PADI6: variants seen among roughly 807,000 people sequenced by gnomAD.
The protein encoded by PADI6 is inactive protein-arginine deiminase type-6.
In PADI6, 66 loss-of-function variants were observed where a neutral mutation model predicts 78.2. That is an observed-to-expected ratio of 0.84 (90% CI 0.69 to 1.04). The LOEUF (loss-of-function observed/expected upper bound fraction) is 1.04. PADI6 is among the 50% of genes least tolerant of loss of function. The probability of loss-of-function intolerance (pLI) is 0.00; values close to 1 mark genes in which losing one functional copy is unlikely to be tolerated. For missense variants in PADI6, 854 were observed against 866.1 expected (o/e 0.99, Z 0.18); for synonymous variants, 397 against 346.9 (o/e 1.14, Z -1.60).
rs1408032840 is a variant in PADI6 at position 17,397,060 on chromosome 1, T to G, written c.1619-11T>G. ...CTGACCAGCAGGCCTGCTGCCCGCTTCTTCCTACAGGAAGGGAAGCCAAAA... is the reference window on the plus strand; with the variant it reads ...CTGACCAGCAGGCCTGCTGCCCGCTGCTTCCTACAGGAAGGGAAGCCAAAA... On this transcript the variant is annotated splice_polypyrimidine_tract_variant and intron_variant, in intron 13 of 15. Transcript: ENST00000619609. 1.7e-5 allele frequency: 27 copies of G among 1,613,360 alleles called. No individual in the cohort carries two copies. The highest frequency in any genetic ancestry group is 2.3e-5 in the Non-Finnish European group (27 of 1,179,744).
intron 15 of PADI6, 25 bp downstream of exon 15, chr1:17,398,872 G>C: frequency 1.2e-6 from 2 of 1,609,476 alleles, no homozygotes; most frequent in Non-Finnish European, 8.5e-7. Flanking sequence ...CGCATCCCTG[G>C]GTGGGGGAGG....
In PADI6 at chr1:17,395,598, A is replaced by C; in HGVS notation, c.1553A>C (p.Gln518Pro). 1 of 1,599,854 alleles carries C rather than the reference A, an allele frequency of 6.3e-7. No homozygotes were observed. The highest frequency in any genetic ancestry group is 8.5e-7 in the Non-Finnish European group (1 of 1,172,744). ...SACYKLFREK[Q>P]KEGYGDALLF... ...TGCTATAAACTGTTCCGAGAGAAACAGAAGGAAGGCTATGGCGACGCTCTT... is the reference window on the plus strand; with the variant it reads ...TGCTATAAACTGTTCCGAGAGAAACCGAAGGAAGGCTATGGCGACGCTCTT... Residue 518 changes from glutamine (Q) to proline (P), a missense_variant, in exon 13 of 16, where the codon CAG becomes CCG. By Grantham distance (76) the Gln-to-Pro change is moderately conservative (BLOSUM62 -1). Transcript: ENST00000619609.
chr1:17,387,853 C>CT (rs2075136712), intron 6 of PADI6, among the ~76,000 whole-genome samples: 2 of 152,220 alleles, frequency 1.3e-5, no homozygotes, highest in African/African-American at 4.8e-5. Flanking sequence ...TGACCTAAAA[C>CT]TAGGAGACAG....
At chr1:17,397,223 T>G (rs2075255890) in intron 14 of PADI6, 82 bp downstream of exon 14, 19 of 1,466,878 alleles carry the variant, frequency 1.3e-5, no homozygotes, top group Non-Finnish European at 1.7e-5. Context: ...CCACCCCTCC[T>G]GAGGGGTGAA....
chr1:17,392,168 C>T lies in PADI6; in HGVS notation c.1017C>T (p.Ser339=), dbSNP rs372214311. Residue 339 remains serine (S), a synonymous_variant, in exon 9 of 16, where the codon AGC becomes AGT. Transcript: ENST00000619609. ...VDTVTKLSEK[S]NSQVASVYED... is the part of the protein sequence containing the mutation. ...CAGTGACGAAGCTGAGTGAGAAGAG[C>T]AACAGCCAGGTGGCATCTGTCTATG... is the stretch of plus-strand genomic sequence containing the variant. The T allele has an allele frequency of 5.2e-5, 81 of 1,562,040 alleles. No individual in the cohort carries two copies. In the African/African-American group the frequency reaches 9.4e-4, roughly 18 times the overall value.
chr1:17,387,456 GGA>G (rs954465997), intron 6 of PADI6, among the ~76,000 whole-genome samples: 47 of 144,278 alleles, frequency 3.3e-4, no homozygotes, highest in African/African-American at 6.5e-4. Flanking sequence ...AAAAAGAAAA[GGA>G]GGGGGGGGGG....
chr1:17,400,780 C>T (rs1157465583), intron 15 of PADI6, among the ~76,000 whole-genome samples: 1 of 152,142 alleles, frequency 6.6e-6, no homozygotes, highest in Non-Finnish European at 1.5e-5. Context: ...TCCAATTGTA[C>T]ATGGGTGTCT....
chr1:17,392,576 A>G (rs950454909), intron 9 of PADI6, among the ~76,000 whole-genome samples: 1 of 152,206 alleles, frequency 6.6e-6, no homozygotes, highest in African/African-American at 2.4e-5. Context: ...CCAAGTCTAG[A>G]GCCCCGGTCA....
In PADI6 at chr1:17,401,440, C is replaced by T. The variant is rs1398474876; in HGVS notation, c.*2C>T. 8.1e-6 allele frequency: 13 copies of T among 1,612,662 alleles called. No homozygotes were observed. The Admixed American group carries it at 2.0e-4, about 25-fold the overall frequency. ...AAATGGTGGAAGATGGTACCTTAGACCCAGGCCCTGGAGCTGCCAGCTCTG... is the reference window on the plus strand; with the variant it reads ...AAATGGTGGAAGATGGTACCTTAGATCCAGGCCCTGGAGCTGCCAGCTCTG... On this transcript the variant is annotated 3_prime_UTR_variant, in exon 16 of 16. Coordinates refer to ENST00000619609, the MANE Select transcript of PADI6 (RefSeq NM_207421.4).
intron 6 of PADI6, 130 bp downstream of exon 6, chr1:17,382,222 T>C (rs74706279): frequency 8.4e-7 from 1 of 1,195,576 alleles, no homozygotes; most frequent in Non-Finnish European, 1.2e-6. Flanking sequence ...TGAGAGGCTG[T>C]TGTGGCTGTA....
At position 17,388,839 on chromosome 1, in the gene PADI6, C is replaced by T. The variant is rs777926457; in HGVS notation, c.921C>T (p.Phe307=). The T allele has an allele frequency of 9.9e-6, 16 of 1,613,700 alleles. No homozygotes were observed. The highest frequency in any genetic ancestry group is 1.4e-5 in the Non-Finnish European group (16 of 1,179,852). The change falls in exon 8 of 16, where the codon TTC becomes TTT. Residue 307 remains phenylalanine (F), a synonymous_variant. Coordinates refer to ENST00000619609, the MANE Select transcript of PADI6 (RefSeq NM_207421.4). ...TGTTCCGGGTGGCTCCCTGTGTCTT[C>T]ATTCCCTGTACCCAGGTGCCTCTGG... is the stretch of plus-strand genomic sequence containing the variant. ...TVVFRVAPCV[F]IPCTQVPLEV... is the part of the protein sequence containing the mutation.
At chr1:17,388,141 G>T (rs907465944) in intron 6 of PADI6, among the ~76,000 whole-genome samples, 3 of 152,158 alleles carry the variant, frequency 2.0e-5, no homozygotes, top group Non-Finnish European at 2.9e-5. Flanking sequence ...CCAACTCCTG[G>T]CATGTAATAG....
intron 8 of PADI6, among the ~76,000 whole-genome samples, chr1:17,390,818 C>T (rs758277030): frequency 1.5e-4 from 23 of 152,124 alleles, no homozygotes; most frequent in Non-Finnish European, 2.4e-4. Flanking sequence ...TATTTGAAGA[C>T]GGGTTTCTCA....
At chr1:17,373,349 C>A (rs78079997) in intron 2 of PADI6, 116 bp downstream of exon 2, 29 of 1,218,088 alleles carry the variant, frequency 2.4e-5, no homozygotes, top group Admixed American at 1.1e-4. Context: ...TTGTTTTGCA[C>A]GTCTGATCTC....
chr1:17,381,343 A>C (rs1034607806), intron 5 of PADI6, among the ~76,000 whole-genome samples, 179 bp downstream of exon 5: 1 of 152,172 alleles, frequency 6.6e-6, no homozygotes. Flanking sequence ...GGGTAAGAGA[A>C]GTCACATAGC....
At chr1:17,383,686 A>G (rs2075093931) in intron 6 of PADI6, among the ~76,000 whole-genome samples, 1 of 151,354 alleles carries the variant, frequency 6.6e-6, no homozygotes. Flanking sequence ...TGTCTCTACT[A>G]AAAATACAAA....
At chr1:17,396,123 C>T (rs1318518585) in intron 13 of PADI6, among the ~76,000 whole-genome samples, 6 of 152,054 alleles carry the variant, frequency 3.9e-5, no homozygotes. Context: ...TGGTGGCTCA[C>T]ACCTGTAACC....
At chr1:17,388,080 C>T (rs925327380) in intron 6 of PADI6, among the ~76,000 whole-genome samples, 1 of 152,184 alleles carries the variant, frequency 6.6e-6, no homozygotes, top group African/African-American at 2.4e-5. Context: ...GAACCACCTA[C>T]CCTGAGGCTT....
intron 13 of PADI6, among the ~76,000 whole-genome samples, chr1:17,396,751 A>AGGG (rs1175418688): frequency 6.6e-6 from 1 of 152,190 alleles, no homozygotes; most frequent in Admixed American, 6.5e-5. Flanking sequence ...TATTGGCATA[A>AGGG]GGGGAGTAGG....
Sources: gnomAD v4.1 joint callset for allele counts (sites outside exome capture counted in the v4.1 genomes callset) on GRCh38, gnomAD v4.1.1 for gene constraint, MANE v1.5 for transcripts, NCBI Gene and HGNC (gene_info 2026-07-23, HGNC 2026-07-21) for gene names.